Variants in MDGA2 observed in about 807,000 individuals in gnomAD.
The protein encoded by MDGA2 is MAM domain containing glycosylphosphatidylinositol anchor 2, also known as MAM domain-containing glycosylphosphatidylinositol anchor protein 2.
A neutral mutation model predicts 117.8 loss-of-function variants in MDGA2; 40 were observed. The ratio of observed to expected loss-of-function variants is 0.34; its 90% CI spans 0.26 to 0.44. MDGA2 has a LOEUF of 0.44. MDGA2 is among the 20% of genes least tolerant of loss of function. The pLI is 1.00. For missense variants in MDGA2, 1,123 were observed against 1,250.6 expected (o/e 0.90, Z 1.54); for synonymous variants, 452 against 439.0 (o/e 1.03, Z -0.37).
chr14:47,540,514 AT>A (rs1225561353), intron 1 of MDGA2, among the ~76,000 whole-genome samples: 1 of 98,272 alleles, frequency 1.0e-5, no homozygotes, highest in Admixed American at 1.2e-4. Context: ...GTATATGTAT[AT>A]GTATATGTGT....
At chr14:47,063,898 A>C (rs867705058) in intron 6 of MDGA2, among the ~76,000 whole-genome samples, 58 of 152,004 alleles carry the variant, frequency 3.8e-4, no homozygotes, top group African/African-American at 1.2e-3. Context: ...TTTACCATGC[A>C]GCTATTGTTT....
intron 10 of MDGA2, among the ~76,000 whole-genome samples, chr14:46,897,918 A>T (rs1342593372): frequency 6.6e-6 from 1 of 151,978 alleles, no homozygotes; most frequent in Non-Finnish European, 1.5e-5. Context: ...TGATAGATAG[A>T]TCCTAATTTA....
chr14:47,317,692 T>C (rs1889849527), intron 1 of MDGA2, among the ~76,000 whole-genome samples: 1 of 151,854 alleles, frequency 6.6e-6, no homozygotes. Flanking sequence ...GGGAAAAGAG[T>C]AAAAAACCAC....
At chr14:46,958,048 C>T (rs59862101) in intron 8 of MDGA2, among the ~76,000 whole-genome samples, 17 of 151,998 alleles carry the variant, frequency 1.1e-4, no homozygotes, top group Non-Finnish European at 2.2e-4. Context: ...TCTTCATTTA[C>T]TTCATGGTCT....
At chr14:47,054,698 A>G (rs1043548476) in intron 7 of MDGA2, among the ~76,000 whole-genome samples, 2 of 151,766 alleles carry the variant, frequency 1.3e-5, no homozygotes, top group Non-Finnish European at 2.9e-5. Context: ...AAATAATGCC[A>G]CATATCTACA....
chr14:46,944,992 A>G (rs1250074760), intron 9 of MDGA2, among the ~76,000 whole-genome samples: 1 of 151,966 alleles, frequency 6.6e-6, no homozygotes, highest in Non-Finnish European at 1.5e-5. Flanking sequence ...CAAAAGTAAC[A>G]TTTTCCTATT....
chr14:47,663,724 T>C (rs1254521354), intron 1 of MDGA2, among the ~76,000 whole-genome samples: 1 of 152,198 alleles, frequency 6.6e-6, no homozygotes, highest in Non-Finnish European at 1.5e-5. Context: ...ACACAGTAAT[T>C]GTGTGATGAC....
At chr14:47,173,771 A>C (rs1404442099) in intron 3 of MDGA2, among the ~76,000 whole-genome samples, 11 of 152,188 alleles carry the variant, frequency 7.2e-5, no homozygotes, top group Non-Finnish European at 1.5e-4. Context: ...CTAACATCAT[A>C]ATGACAGGAT....
chr14:47,557,347 T>C (rs1348444975), intron 1 of MDGA2, among the ~76,000 whole-genome samples: 1 of 152,148 alleles, frequency 6.6e-6, no homozygotes, highest in South Asian at 2.1e-4. Context: ...ATCAGGAACA[T>C]GTCAGAAATT....
chr14:47,627,876 A>G (rs2138214730), intron 1 of MDGA2, among the ~76,000 whole-genome samples: 1 of 152,328 alleles, frequency 6.6e-6, no homozygotes, highest in South Asian at 2.1e-4. Context: ...CAGCAAGACC[A>G]CGAACCCACC....
intron 6 of MDGA2, among the ~76,000 whole-genome samples, chr14:47,082,653 G>A (rs1000344753): frequency 3.9e-5 from 6 of 151,956 alleles, no homozygotes; most frequent in Admixed American, 2.0e-4. Flanking sequence ...CTAATCCTGA[G>A]CCGGTTTTTC....
In MDGA2 at chr14:47,592,799, G is replaced by A. The variant is rs544208689; in HGVS notation, c.280+81718C>T. Among the ~76,000 whole-genome samples the A allele has an allele frequency of 4.6e-4, 70 of 152,158 alleles. 1 individual carries two copies. Among genetic ancestry groups the A allele is most frequent in the African/African-American group, 1.4e-3 (60 of 41,518 alleles). On this transcript the variant is annotated intron_variant, in intron 1 of 16. Coordinates refer to ENST00000399232, the MANE Select transcript of MDGA2 (RefSeq NM_001113498.3). ...ATAAAAACCCTGGAAAAATAATCTA[G>A]GCAATACCATCTGGGACATAGGCAT...
intron 1 of MDGA2, among the ~76,000 whole-genome samples, chr14:47,519,212 A>G (rs1448213305): frequency 6.6e-6 from 1 of 152,194 alleles, no homozygotes; most frequent in Non-Finnish European, 1.5e-5. Flanking sequence ...CTCAAAAACA[A>G]AACAAAACAA....
intron 3 of MDGA2, among the ~76,000 whole-genome samples, chr14:47,158,023 A>T (rs1012955312): frequency 1.3e-5 from 2 of 151,884 alleles, no homozygotes; most frequent in Admixed American, 6.6e-5. Flanking sequence ...ACACACACAC[A>T]CACACACATA....
chr14:46,980,363 G>C lies in MDGA2; in HGVS notation c.1820-22720C>G, dbSNP rs147631280. ...TGCAATCTCACAGAATAATTTCAGT[G>C]GATGAAGAGTTGTTTTTTATGGAGA... On this transcript the variant is annotated intron_variant, in intron 8 of 16. Coordinates refer to ENST00000399232, the MANE Select transcript of MDGA2 (RefSeq NM_001113498.3). Among the ~76,000 whole-genome samples the C allele has an allele frequency of 3.2e-3, 483 of 152,256 alleles. 3 individuals carry two copies. Among genetic ancestry groups the C allele is most frequent in the Non-Finnish European group, 5.1e-3 (348 of 68,022 alleles).
intron 13 of MDGA2, 91 bp from the exon 14 acceptor site, chr14:46,873,682 A>G: frequency 8.5e-7 from 1 of 1,170,058 alleles, no homozygotes; most frequent in Non-Finnish European, 1.2e-6. Flanking sequence ...TTTTCATACA[A>G]AATAAAGATG....
At chr14:47,224,553 T>G (rs1176582026) in intron 2 of MDGA2, among the ~76,000 whole-genome samples, 1 of 152,168 alleles carries the variant, frequency 6.6e-6, no homozygotes, top group African/African-American at 2.4e-5. Flanking sequence ...TGAAGCTCCT[T>G]TCTATTGTTT....
intron 1 of MDGA2, among the ~76,000 whole-genome samples, chr14:47,379,056 A>AT (rs1162569135): frequency 6.6e-6 from 1 of 152,240 alleles, no homozygotes; most frequent in East Asian, 1.9e-4. Context: ...AGTGGGGGCC[A>AT]ATATTCAACA....
chr14:47,177,440 G>A (rs1404292400), intron 3 of MDGA2, among the ~76,000 whole-genome samples: 1 of 152,128 alleles, frequency 6.6e-6, no homozygotes, highest in Non-Finnish European at 1.5e-5. Context: ...AGAAAATGTG[G>A]CACATAGACA....
Sources: gnomAD v4.1 joint callset for allele counts (sites outside exome capture counted in the v4.1 genomes callset) on GRCh38, gnomAD v4.1.1 for gene constraint, MANE v1.5 for transcripts, NCBI Gene and HGNC (gene_info 2026-07-23, HGNC 2026-07-21) for gene names.